The following SKAP1 variants were observed in gnomAD, a reference collection of about 807,000 sequenced individuals.
SKAP1 encodes the protein src kinase-associated phosphoprotein 1.
SKAP1 carries 44 observed loss-of-function variants against 58.5 expected under a neutral mutation model. The observed-to-expected ratio is 0.75, with a 90% CI of 0.59 to 0.97. SKAP1 has a LOEUF of 0.97. Among genes scored for constraint, SKAP1 ranks in the 50% least tolerant of loss-of-function variants. SKAP1 has a pLI of 0.00. For synonymous variants in SKAP1, 127 were observed against 149.7 expected (o/e 0.85, Z 1.11); for missense variants, 390 against 435.2 (o/e 0.90, Z 0.92).
chr17:48,396,838 G>A, intron 1 of SKAP1, 53 bp from the exon 2 acceptor site: 1 of 1,330,482 alleles, frequency 7.5e-7, no homozygotes, highest in Non-Finnish European at 1.1e-6. Context: ...AGGGAGAAAG[G>A]AAAATCAGAA....
chr17:48,263,957 C>A (rs990089137), intron 4 of SKAP1, among the ~76,000 whole-genome samples: 16 of 151,920 alleles, frequency 1.1e-4, no homozygotes, highest in South Asian at 4.2e-4. Flanking sequence ...GAGACAGAGA[C>A]GTACATTTGC....
At chr17:48,149,304 G>A (rs1037411046) in intron 11 of SKAP1, among the ~76,000 whole-genome samples, 1 of 152,072 alleles carries the variant, frequency 6.6e-6, no homozygotes, top group African/African-American at 2.4e-5. Flanking sequence ...ACTTGATTGC[G>A]CCAGATTCAG....
At chr17:48,269,922 G>A (rs376379202) in intron 4 of SKAP1, among the ~76,000 whole-genome samples, 5 of 152,080 alleles carry the variant, frequency 3.3e-5, no homozygotes, top group Non-Finnish European at 1.5e-5. Flanking sequence ...CGACCTGCCC[G>A]ACCAACATGG....
chr17:48,221,382 T>C (rs894264515), intron 4 of SKAP1, among the ~76,000 whole-genome samples: 2 of 152,240 alleles, frequency 1.3e-5, no homozygotes, highest in Non-Finnish European at 2.9e-5. Flanking sequence ...AGTAGTTTGT[T>C]ACTAACTAAT....
chr17:48,206,924 T>G (rs916678063), intron 4 of SKAP1, among the ~76,000 whole-genome samples: 1 of 152,162 alleles, frequency 6.6e-6, no homozygotes, highest in Non-Finnish European at 1.5e-5. Context: ...CCCAAGGGAC[T>G]ACAGGTACAC....
At chr17:48,301,690 T>C (rs1181347020) in intron 4 of SKAP1, among the ~76,000 whole-genome samples, 1 of 152,146 alleles carries the variant, frequency 6.6e-6, no homozygotes, top group Non-Finnish European at 1.5e-5. Context: ...TTGGCCAGGG[T>C]GGTCTTGAAC....
chr17:48,312,798 C>G (rs1019565026), intron 4 of SKAP1, among the ~76,000 whole-genome samples: 1 of 152,140 alleles, frequency 6.6e-6, no homozygotes, highest in Admixed American at 6.5e-5. Flanking sequence ...AAACTTATAA[C>G]GTTTTATTGT....
chr17:48,370,353 T>G (rs2067067751), intron 2 of SKAP1, among the ~76,000 whole-genome samples: 1 of 152,198 alleles, frequency 6.6e-6, no homozygotes, highest in South Asian at 2.1e-4. Context: ...TCACCTATGC[T>G]GGAGTGCTGT....
At chr17:48,343,127 G>A (rs1025842272) in intron 4 of SKAP1, among the ~76,000 whole-genome samples, 2 of 151,938 alleles carry the variant, frequency 1.3e-5, no homozygotes, top group Non-Finnish European at 1.5e-5. Flanking sequence ...AGCTCCATGA[G>A]GGCAGGGACT....
chr17:48,175,240 A>G (rs2064273952), intron 9 of SKAP1, among the ~76,000 whole-genome samples: 1 of 152,224 alleles, frequency 6.6e-6, no homozygotes, highest in South Asian at 2.1e-4. Flanking sequence ...AAAGAGGGGA[A>G]ATCAGTTACT....
intron 4 of SKAP1, among the ~76,000 whole-genome samples, chr17:48,222,862 G>A (rs1304383010): frequency 6.7e-6 from 1 of 150,256 alleles, no homozygotes; most frequent in Non-Finnish European, 1.5e-5. Flanking sequence ...TCAGGAGTTC[G>A]AGACCAGCTT....
At chr17:48,444,288 G>C in the SKAP1 span, among the ~76,000 whole-genome samples, 2 of 152,156 alleles carry the variant, frequency 1.3e-5, no homozygotes, top group African/African-American at 4.8e-5. Flanking sequence ...CAGTAACAGG[G>C]GCTGAGGCAG....
intron 4 of SKAP1, among the ~76,000 whole-genome samples, chr17:48,192,511 T>C (rs1000003060): frequency 6.6e-6 from 1 of 152,070 alleles, no homozygotes; most frequent in Non-Finnish European, 1.5e-5. Context: ...GTATGAATAT[T>C]ACATTAATGT....
At chr17:48,405,589 G>A (rs958848453) in intron 1 of SKAP1, among the ~76,000 whole-genome samples, 5 of 146,384 alleles carry the variant, frequency 3.4e-5, no homozygotes, top group Non-Finnish European at 6.0e-5. Flanking sequence ...TGCAACCTCC[G>A]CCTCCTGGGT....
intron 4 of SKAP1, chr17:48,307,629 G>C (rs2066164457): frequency 6.6e-6 from 1 of 152,180 alleles, no homozygotes; most frequent in Non-Finnish European, 1.5e-5. Flanking sequence ...AGATGTCTGT[G>C]GGGCTTTTTC....
chr17:48,309,568 GAT>G (rs138636532), intron 4 of SKAP1, among the ~76,000 whole-genome samples: 11,964 of 152,046 alleles, frequency 0.079, 628 homozygotes, highest in East Asian at 0.2. Flanking sequence ...TCTATGCACA[GAT>G]ATAAATATAT....
intron 4 of SKAP1, among the ~76,000 whole-genome samples, chr17:48,344,899 T>C (rs1025742489): frequency 2.6e-5 from 4 of 152,200 alleles, no homozygotes; most frequent in Admixed American, 1.3e-4. Flanking sequence ...ACAGAAATTA[T>C]AAGCTCTTGA....
chr17:48,140,284 GT>G (rs2063752626), intron 11 of SKAP1, among the ~76,000 whole-genome samples: 1 of 152,098 alleles, frequency 6.6e-6, no homozygotes. Context: ...GGCACTATTG[GT>G]CCTCCTTGAG....
intron 1 of SKAP1, among the ~76,000 whole-genome samples, chr17:48,408,816 T>C (rs576846359): frequency 6.6e-6 from 1 of 152,316 alleles, no homozygotes; most frequent in Admixed American, 6.5e-5. Flanking sequence ...CAATATACAA[T>C]ACATTTGCCC....
Sources: gnomAD v4.1 joint callset for allele counts (sites outside exome capture counted in the v4.1 genomes callset) on GRCh38, gnomAD v4.1.1 for gene constraint, MANE v1.5 for transcripts, NCBI Gene and HGNC (gene_info 2026-07-23, HGNC 2026-07-21) for gene names.